IDI1: variants seen among roughly 807,000 people sequenced by gnomAD.
The protein encoded by IDI1 is isopentenyl-diphosphate Delta-isomerase 1.
A neutral mutation model predicts 32.9 loss-of-function variants in IDI1; 23 were observed. The observed-to-expected ratio is 0.70, with a 90% CI of 0.50 to 0.99. The LOEUF (loss-of-function observed/expected upper bound fraction) is 0.99, where lower values mean the gene tolerates loss of function less well. IDI1 is among the 50% of genes least tolerant of loss of function. The pLI is 0.00. For synonymous variants in IDI1, 133 were observed against 128.2 expected (o/e 1.04, Z -0.25); for missense variants, 326 against 351.9 (o/e 0.93, Z 0.59).
At chr10:1,053,567 A>C (rs1164640426), upstream of IDI1, among the ~76,000 whole-genome samples, 1 of 152,196 alleles carries the variant, frequency 6.6e-6, no homozygotes, top group African/African-American at 2.4e-5. Flanking sequence ...GGAGCACTTC[A>C]AATTTCCTTC....
At chr10:1,053,786 G>A (rs1414060736), upstream of IDI1, among the ~76,000 whole-genome samples, 1 of 151,032 alleles carries the variant, frequency 6.6e-6, no homozygotes, top group African/African-American at 2.4e-5. Flanking sequence ...CTGAAGTGCA[G>A]TGGCGTGATC....
chr10:1,048,751 G>T (rs992641116), intron 1 of IDI1, 113 bp downstream of exon 1: 1 of 1,484,798 alleles, frequency 6.7e-7, no homozygotes. Flanking sequence ...CCAGGCCTCC[G>T]CGCCGAGACC....
chr10:1,044,421 C>T lies in IDI1; in HGVS notation c.141-250G>A, dbSNP rs772120752. On this transcript the variant is annotated intron_variant, in intron 1 of 4. Transcript: ENST00000381344. ...CAAGCTCAACGTTCCGCTCTAAATT[C>T]TTGACCTCTGAGATCCTCTGCAGCA... 8.5e-4 allele frequency among the ~76,000 whole-genome samples: 130 copies of T among 152,216 alleles called. 1 individual carries two copies. The highest frequency in any genetic ancestry group is 8.7e-4 in the Non-Finnish European group (59 of 68,032).
upstream of IDI1, among the ~76,000 whole-genome samples, chr10:1,052,455 A>G (rs1231903350): frequency 6.6e-6 from 1 of 152,228 alleles, no homozygotes; most frequent in African/African-American, 2.4e-5. Flanking sequence ...AGTCAAAATG[A>G]CTTCTTGAGC....
Position 1,042,618 on chromosome 10 carries a change from G to GGA in IDI1, c.537+12_537+13dup. 6.2e-7 allele frequency: 1 copy of GGA among 1,613,420 alleles called. No individual in the cohort carries two copies. Among genetic ancestry groups the GGA allele is most frequent in the Non-Finnish European group, 8.5e-7 (1 of 1,179,588 alleles). ...AGGTTTCAGCTTGTATGGTTGTGTA[G>GGA]GAGAGCTGGTTACCTCTTCCAAGGG... On this transcript the variant is annotated intron_variant, in intron 4 of 4. Coordinates refer to ENST00000381344, the MANE Select transcript of IDI1 (RefSeq NM_004508.4).
chr10:1,041,132 G>A lies in IDI1; in HGVS notation c.*55C>T. 6.1e-6 allele frequency: 6 copies of A among 983,020 alleles called. No homozygotes were observed. In the South Asian group the frequency reaches 1.0e-4, roughly 16 times the overall value. 60.9% of individuals were successfully genotyped at this position (983,020 alleles called of 1,614,324 possible). ...ATAGAACTAAATTTAAAAGGAAAAA[G>A]TCATTCTAAGTTTGTTAAGCAGATA... On this transcript the variant is annotated 3_prime_UTR_variant, in exon 5 of 5. Transcript: ENST00000381344.
At position 1,042,667 on chromosome 10, in the gene IDI1, GTC is replaced by G. The variant is rs1832646505; in HGVS notation, c.500_501del (p.Arg167ThrfsTer5). The G allele has an allele frequency of 6.8e-6, 11 of 1,613,994 alleles. No homozygotes were observed. The highest frequency in any genetic ancestry group is 9.3e-6 in the Non-Finnish European group (11 of 1,179,932). On this transcript the variant is annotated frameshift_variant, in exon 4 of 5. Transcript: ENST00000381344. LOFTEE classifies it high-confidence loss of function. ...DALGVRRAAQ[R>X]RLKAELGIPL... ...GGAATTCCTAGCTCAGCTTTCAGCC[GTC>G]TCTGTGCTGCTCGCCTCACTCCAAG... is the stretch of plus-strand genomic sequence containing the variant.
intron 1 of IDI1, among the ~76,000 whole-genome samples, chr10:1,046,524 C>G (rs1832815257): frequency 7.1e-6 from 1 of 140,626 alleles, no homozygotes; most frequent in Non-Finnish European, 1.6e-5. Context: ...CCCAGCTGCT[C>G]CACTGTCTAC....
chr10:1,050,605 C>T (rs1255512822), upstream of IDI1, among the ~76,000 whole-genome samples: 1 of 152,140 alleles, frequency 6.6e-6, no homozygotes, highest in African/African-American at 2.4e-5. Flanking sequence ...TTAATTATTC[C>T]AGTTCTGGGT....
At chr10:1,048,732 C>G (rs1034246117) in intron 1 of IDI1, 132 bp downstream of exon 1, 7 of 1,445,854 alleles carry the variant, frequency 4.8e-6, no homozygotes, top group Non-Finnish European at 4.5e-6. Flanking sequence ...CGCCGCCACC[C>G]CCAGCTGTCC....
rs1201895689 is a variant in IDI1, at chr10:1,048,865, T to C, written c.139A>G (p.Ser47Gly). Residue 47 changes from serine to glycine, a missense_variant and splice_region_variant, in exon 1 of 5, where the codon AGT (serine) becomes GGT (glycine). Ser to Gly is a moderately conservative substitution (Grantham distance 56, BLOSUM62 0). Transcript: ENST00000381344. ...AACTCCGCCGCCCGTCCACAGTACC[T>C]GATCAGCCTCCGGCCACAGACAACC... ...PAVVCGRRLI[S>G]VLEQIRHFVM... 1 of 1,606,036 alleles carries C rather than the reference T, an allele frequency of 6.2e-7. No homozygotes were observed. Among genetic ancestry groups the C allele is most frequent in the Middle Eastern group, 1.8e-4 (1 of 5,650 alleles).
At chr10:1,051,413 T>C (rs116551945), upstream of IDI1, among the ~76,000 whole-genome samples, 2,083 of 152,358 alleles carry the variant, frequency 0.014, 52 homozygotes, top group African/African-American at 0.047. Flanking sequence ...CACGAACATA[T>C]TTATTTTCAC....
chr10:1,044,129 T>C lies in IDI1; in HGVS notation c.183A>G (p.Ile61Met). The stretch of plus-strand genomic sequence containing the variant: ...GTTGCTTGTCGAGGTGGTTAGTGTT[T>C]ATTTCAGGCATCATTACAAAATGTC... ...QIRHFVMMPE[I>M]NTNHLDKQQV... The change falls in exon 2 of 5, where the codon ATA becomes ATG. Residue 61 changes from isoleucine (I) to methionine (M), a missense_variant. Transcript: ENST00000381344. 1 of 1,613,976 alleles carries C rather than the reference T, an allele frequency of 6.2e-7. No homozygotes were observed. The highest frequency in any genetic ancestry group is 8.5e-7 in the Non-Finnish European group (1 of 1,179,814).
At chr10:1,046,541 C>CAG (rs1491539220) in intron 1 of IDI1, among the ~76,000 whole-genome samples, 80 of 127,990 alleles carry the variant, frequency 6.3e-4, no homozygotes, top group South Asian at 9.2e-4. Context: ...CTACACCACA[C>CAG]CGCCCAGCTG....
chr10:1,049,170 C>T (rs966929357), upstream of IDI1: 17 of 1,159,984 alleles, frequency 1.5e-5, no homozygotes, highest in Middle Eastern at 6.0e-4. Context: ...ACGCCCCACC[C>T]CCAGTTCCGC....
chr10:1,047,878 AT>A (rs887373931), intron 1 of IDI1, among the ~76,000 whole-genome samples: 3 of 152,226 alleles, frequency 2.0e-5, no homozygotes, highest in African/African-American at 7.2e-5. Flanking sequence ...TACAGATGAA[AT>A]TTTTTTCCAA....
Position 1,048,178 on chromosome 10 carries a change from C to G in IDI1, c.140+686G>C, listed in dbSNP as rs1399469423. ...CCAGCTGTAATGACAATTGCTCTTT[C>G]AGGATTTTCAGAATTCAGATTTTAA... On this transcript the variant is annotated intron_variant, in intron 1 of 4. Transcript: ENST00000381344. 3 of 1,208,264 alleles carry G rather than the reference C, an allele frequency of 2.5e-6. No individual in the cohort carries two copies. In the East Asian group the frequency reaches 1.7e-4, roughly 69 times the overall value. The allele number at this position is 1,208,264 out of a possible 1,614,324, so 74.8% of individuals were successfully genotyped here.
chr10:1,056,147 T>C, the IDI1 span, among the ~76,000 whole-genome samples: 5 of 151,876 alleles, frequency 3.3e-5, no homozygotes, highest in Non-Finnish European at 7.4e-5. Context: ...AATGTTAACC[T>C]ACACAGAAAA....
In IDI1 at chr10:1,039,729, T is replaced by A. The variant is rs1832494554; in HGVS notation, c.*1458A>T. 2 of 152,226 alleles carry A rather than the reference T, an allele frequency of 1.3e-5. No homozygotes were observed. Among genetic ancestry groups the A allele is most frequent in the South Asian group, 2.1e-4 (1 of 4,834 alleles). The allele number at this position is 152,226 out of a possible 1,614,324, so 9.4% of individuals were successfully genotyped here. ...TGGGTAGCAGTCTAAGGGTCCCATG[T>A]CCAATTCAGTAGCCATGGCAACTCA... On this transcript the variant is annotated 3_prime_UTR_variant, in exon 5 of 5. Coordinates refer to ENST00000381344, the MANE Select transcript of IDI1 (RefSeq NM_004508.4).
Sources: allele counts gnomAD v4.1 joint callset (sites outside exome capture counted in the v4.1 genomes callset), GRCh38; gene constraint gnomAD v4.1.1; transcripts MANE v1.5; gene names NCBI Gene and HGNC (gene_info 2026-07-23, HGNC 2026-07-21).